Variants in PARD3B observed in about 807,000 individuals in gnomAD.
PARD3B encodes the protein partitioning defective 3 homolog B.
PARD3B carries 103 observed loss-of-function variants against 130.2 expected under a neutral mutation model. The observed-to-expected ratio is 0.79, with a 90% CI of 0.67 to 0.93. PARD3B has a LOEUF of 0.93. Ranked by LOEUF, PARD3B falls within the 40% of genes least tolerant of loss-of-function variation. The pLI, the probability that PARD3B is intolerant of heterozygous loss-of-function variation, is 0.00. For missense variants in PARD3B, 1,609 were observed against 1,499.2 expected (o/e 1.07, Z -1.21); for synonymous variants, 583 against 553.2 (o/e 1.05, Z -0.76).
chr2:204,876,985 T>C lies in PARD3B; in HGVS notation c.223-88167T>C, dbSNP rs557557736. On this transcript the variant is annotated intron_variant, in intron 2 of 22. Transcript: ENST00000406610. ...TTGAAAATACAGTACTCTAGATCCC[T>C]GAGGAATCGCCACACACTCTAGATC... is the stretch of plus-strand genomic sequence containing the variant. 1.6e-4 allele frequency among the ~76,000 whole-genome samples: 24 copies of C among 152,236 alleles called. No homozygotes were observed. In the South Asian group the frequency reaches 2.1e-3, roughly 13 times the overall value.
At chr2:204,719,894 T>C (rs1330670566) in intron 2 of PARD3B, among the ~76,000 whole-genome samples, 2 of 152,200 alleles carry the variant, frequency 1.3e-5, no homozygotes, top group Non-Finnish European at 2.9e-5. Context: ...TACTATTCTA[T>C]AGTTGTGAGT....
intron 2 of PARD3B, among the ~76,000 whole-genome samples, chr2:204,858,578 T>C (rs1423782370): frequency 6.8e-6 from 1 of 147,936 alleles, no homozygotes; most frequent in Non-Finnish European, 1.5e-5. Context: ...GGGGAGGAAA[T>C]AGATTTAGGT....
chr2:204,755,283 A>G (rs1042529417), intron 2 of PARD3B, among the ~76,000 whole-genome samples: 1 of 152,102 alleles, frequency 6.6e-6, no homozygotes, highest in Non-Finnish European at 1.5e-5. Context: ...TGGACTGATG[A>G]TCTACTGACC....
intron 22 of PARD3B, among the ~76,000 whole-genome samples, chr2:205,580,765 C>T (rs1195622657): frequency 6.6e-6 from 1 of 152,012 alleles, no homozygotes; most frequent in Non-Finnish European, 1.5e-5. Flanking sequence ...ACCATTCTAC[C>T]AATGGTTGCT....
chr2:205,574,640 G>C (rs372180605), intron 22 of PARD3B, among the ~76,000 whole-genome samples: 2 of 152,024 alleles, frequency 1.3e-5, no homozygotes, highest in South Asian at 2.1e-4. Context: ...CACTCCAGTG[G>C]GGGGGCAACT....
At chr2:204,758,213 G>T (rs984361806) in intron 2 of PARD3B, among the ~76,000 whole-genome samples, 1 of 152,082 alleles carries the variant, frequency 6.6e-6, no homozygotes, top group Non-Finnish European at 1.5e-5. Context: ...CCCAAGATGG[G>T]TGTTCCAAGA....
intron 15 of PARD3B, among the ~76,000 whole-genome samples, chr2:205,232,652 C>A (rs1231275452): frequency 1.3e-5 from 2 of 148,802 alleles, no homozygotes; most frequent in African/African-American, 5.1e-5. Flanking sequence ...GTATTTAATA[C>A]ATTCAAAAGC....
intron 4 of PARD3B, among the ~76,000 whole-genome samples, chr2:205,080,432 C>T (rs985992489): frequency 6.6e-6 from 1 of 151,946 alleles, no homozygotes; most frequent in African/African-American, 2.4e-5. Context: ...ATTTACCCAC[C>T]CTGGCCAATA....
intron 1 of PARD3B, among the ~76,000 whole-genome samples, chr2:204,569,544 A>T (rs1488571971): frequency 6.6e-6 from 1 of 152,208 alleles, no homozygotes; most frequent in Non-Finnish European, 1.5e-5. Context: ...TCCTGCAGTC[A>T]TGGGCTAGGC....
At chr2:205,129,230 G>A (rs561229481) in intron 10 of PARD3B, among the ~76,000 whole-genome samples, 71 of 152,292 alleles carry the variant, frequency 4.7e-4, no homozygotes, top group African/African-American at 1.7e-3. Context: ...AAGTCACGTG[G>A]ACCCATAGCC....
intron 3 of PARD3B, among the ~76,000 whole-genome samples, chr2:205,009,595 C>T (rs1162207898): frequency 1.3e-5 from 2 of 151,270 alleles, no homozygotes; most frequent in Admixed American, 6.6e-5. Flanking sequence ...GGCGTGAACC[C>T]GGGAGGCGGA....
chr2:205,162,786 A>G (rs2034579118), intron 11 of PARD3B, among the ~76,000 whole-genome samples: 1 of 152,192 alleles, frequency 6.6e-6, no homozygotes, highest in African/African-American at 2.4e-5. Context: ...CCCTAAATCC[A>G]CATCAAAATT....
chr2:204,836,838 G>GT (rs1242309313), intron 2 of PARD3B, among the ~76,000 whole-genome samples: 1 of 151,948 alleles, frequency 6.6e-6, no homozygotes, highest in African/African-American at 2.4e-5. Flanking sequence ...TTGTGGGTGA[G>GT]TTTTTTCCTT....
At position 204,606,244 on chromosome 2, in the gene PARD3B, G is replaced by A. The variant is rs1220391841; in HGVS notation, c.120+60125G>A. Among the ~76,000 whole-genome samples, 2 of 152,164 alleles carry A rather than the reference G, an allele frequency of 1.3e-5. No homozygotes were observed. Among genetic ancestry groups the A allele is most frequent in the Non-Finnish European group, 2.9e-5 (2 of 68,034 alleles). ...CCTTATGTATTGGTGTTTAAAATCA[G>A]TTGTGTTGAGGGTCAGGAAGGGCTA... is the stretch of plus-strand genomic sequence containing the variant. On this transcript the variant is annotated intron_variant, in intron 1 of 22. Coordinates refer to ENST00000406610, the MANE Select transcript of PARD3B (RefSeq NM_001302769.2). This position sits in a 1 kb window ranked among gnomAD's most constrained non-coding sequence, Gnocchi z 4.0.
intron 1 of PARD3B, among the ~76,000 whole-genome samples, chr2:204,584,776 G>A (rs923860678): frequency 2.0e-5 from 3 of 152,136 alleles, no homozygotes; most frequent in Non-Finnish European, 4.4e-5. Flanking sequence ...AGTGGAGACC[G>A]GATTGAATAA....
At position 205,001,833 on chromosome 2, in the gene PARD3B, T is replaced by C. The variant is rs1488113078; in HGVS notation, c.394+36510T>C. Among the ~76,000 whole-genome samples the C allele has an allele frequency of 2.0e-5, 3 of 152,078 alleles. No individual in the cohort carries two copies. The East Asian group carries it at 5.8e-4, about 29-fold the overall frequency. ...GCTGATGTGCGCCTTATGACAACAGTAGAGAGCAGCTCCACGATGAGAGAA... is the reference window on the plus strand; with the variant it reads ...GCTGATGTGCGCCTTATGACAACAGCAGAGAGCAGCTCCACGATGAGAGAA... On this transcript the variant is annotated intron_variant, in intron 3 of 22. Transcript: ENST00000406610.
At chr2:205,541,088 G>A (rs972539760) in intron 21 of PARD3B, among the ~76,000 whole-genome samples, 4 of 128,944 alleles carry the variant, frequency 3.1e-5, no homozygotes, top group Non-Finnish European at 7.0e-5. Flanking sequence ...GAAGAGCAAA[G>A]TCTGTGTTAC....
chr2:205,552,765 A>T (rs890572312), intron 21 of PARD3B, among the ~76,000 whole-genome samples: 1 of 152,104 alleles, frequency 6.6e-6, no homozygotes, highest in Admixed American at 6.6e-5. Flanking sequence ...AAGAGCTATA[A>T]TGGCGTGAAA....
At chr2:204,656,575 A>G (rs2035646955) in intron 1 of PARD3B, among the ~76,000 whole-genome samples, 1 of 152,194 alleles carries the variant, frequency 6.6e-6, no homozygotes, top group Non-Finnish European at 1.5e-5. Context: ...CAGTCCTTAA[A>G]TCACATTCTT....
Sources: allele counts gnomAD v4.1 joint callset (sites outside exome capture counted in the v4.1 genomes callset), GRCh38; gene constraint gnomAD v4.1.1; non-coding constraint Gnocchi (gnomAD v3.1); transcripts MANE v1.5; gene names NCBI Gene and HGNC (gene_info 2026-07-23, HGNC 2026-07-21).